The following ANK3 variants were observed in gnomAD, a reference collection of about 807,000 sequenced individuals.
ANK3 encodes ankyrin 3, also known as ankyrin-3.
A neutral mutation model predicts 370.9 loss-of-function variants in ANK3; 57 were observed. The ratio of observed to expected loss-of-function variants is 0.15; its 90% CI spans 0.12 to 0.19. ANK3 has a LOEUF of 0.19. Among genes scored for constraint, ANK3 ranks in the 10% least tolerant of loss-of-function variants. The probability of loss-of-function intolerance (pLI) is 1.00; values close to 1 mark genes in which losing one functional copy is unlikely to be tolerated. For missense variants in ANK3, 4,439 were observed against 5,302.1 expected (o/e 0.84, Z 5.06); for synonymous variants, 1,929 against 1,946.3 (o/e 0.99, Z 0.23).
intron 28 of ANK3, among the ~76,000 whole-genome samples, chr10:60,097,092 G>T (rs1468104952): frequency 6.6e-6 from 1 of 152,182 alleles, no homozygotes; most frequent in African/African-American, 2.4e-5. Flanking sequence ...CTTACTGAAG[G>T]TCTATTTTGT....
intron 1 of ANK3, among the ~76,000 whole-genome samples, chr10:60,690,067 A>G (rs1392557245): frequency 1.3e-5 from 2 of 152,260 alleles, no homozygotes; most frequent in African/African-American, 2.4e-5. Flanking sequence ...ACAAACTAGG[A>G]TAAATAGTAT....
At chr10:60,082,244 G>A in intron 34 of ANK3, 68 bp from the exon 35 acceptor site, 2 of 1,398,266 alleles carry the variant, frequency 1.4e-6, no homozygotes, top group Non-Finnish European at 2.0e-6. Flanking sequence ...AAGAATATCA[G>A]GATATGAAAA....
chr10:60,043,042 T>C (rs1199806002), intron 42 of ANK3: 1 of 1,162,328 alleles, frequency 8.6e-7, no homozygotes, highest in Non-Finnish European at 1.1e-6. Flanking sequence ...CCATTTCCTA[T>C]AGTAAGCTAA....
intron 1 of ANK3, among the ~76,000 whole-genome samples, chr10:60,351,055 G>T (rs2056763016): frequency 6.6e-6 from 1 of 151,918 alleles, no homozygotes; most frequent in South Asian, 2.1e-4. Flanking sequence ...GAAACAATTG[G>T]AATTTAAACA....
chr10:60,282,348 C>A (rs1331318009), intron 1 of ANK3, among the ~76,000 whole-genome samples: 5 of 152,208 alleles, frequency 3.3e-5, no homozygotes, highest in Non-Finnish European at 7.3e-5. Flanking sequence ...GTCCATTTTG[C>A]TCTCAAGTTT....
At chr10:60,690,721 T>C (rs1474699737) in intron 1 of ANK3, among the ~76,000 whole-genome samples, 1 of 152,162 alleles carries the variant, frequency 6.6e-6, no homozygotes, top group Admixed American at 6.5e-5. Context: ...AAATAGTTAA[T>C]ACAACCTACC....
chr10:60,435,817 C>T (rs1346562577), intron 2 of ANK3, among the ~76,000 whole-genome samples: 3 of 152,104 alleles, frequency 2.0e-5, no homozygotes, highest in Non-Finnish European at 4.4e-5. Flanking sequence ...AAAGTCTCAT[C>T]GGCCGGGCGC....
At chr10:60,234,941 C>G (rs977776724) in intron 7 of ANK3, among the ~76,000 whole-genome samples, 155 bp from the exon 8 acceptor site, 4 of 152,150 alleles carry the variant, frequency 2.6e-5, no homozygotes, top group Admixed American at 1.3e-4. Flanking sequence ...CAGGAATTTT[C>G]TTCAGAAGGA....
chr10:60,126,248 G>A (rs1031350474), intron 25 of ANK3, among the ~76,000 whole-genome samples: 1 of 152,204 alleles, frequency 6.6e-6, no homozygotes, highest in Non-Finnish European at 1.5e-5. Context: ...TACTCAGAGA[G>A]AGAACAGGGC....
chr10:60,667,104 A>G (rs946049259), intron 1 of ANK3, among the ~76,000 whole-genome samples: 1 of 151,038 alleles, frequency 6.6e-6, no homozygotes, highest in African/African-American at 2.4e-5. Context: ...CTGTATTTTT[A>G]TTTGCTAAAT....
intron 1 of ANK3, among the ~76,000 whole-genome samples, chr10:60,347,811 G>A (rs2055959242): frequency 6.6e-6 from 1 of 152,172 alleles, no homozygotes; most frequent in South Asian, 2.1e-4. Flanking sequence ...CTCACCCCCT[G>A]AGAATTTATC....
intron 2 of ANK3, among the ~76,000 whole-genome samples, chr10:60,405,668 T>A (rs914774084): frequency 1.3e-5 from 2 of 152,168 alleles, no homozygotes; most frequent in African/African-American, 4.8e-5. Flanking sequence ...AGTAAATAAA[T>A]ACCTCCAATT....
At chr10:60,494,971 A>G (rs1205768067) in intron 2 of ANK3, among the ~76,000 whole-genome samples, 1 of 152,218 alleles carries the variant, frequency 6.6e-6, no homozygotes, top group Non-Finnish European at 1.5e-5. Context: ...CTAGCTGTAC[A>G]AGGAACCAAG....
intron 1 of ANK3, among the ~76,000 whole-genome samples, chr10:60,346,992 T>C (rs1481478320): frequency 2.0e-5 from 3 of 148,280 alleles, no homozygotes; most frequent in Non-Finnish European, 3.0e-5. Context: ...GACCATCTAT[T>C]AGTAGCTTTT....
chr10:60,184,434 T>G (rs867996575), intron 17 of ANK3, among the ~76,000 whole-genome samples: 1 of 152,228 alleles, frequency 6.6e-6, no homozygotes, highest in Admixed American at 6.5e-5. Context: ...TGCCTTCTTA[T>G]TAGATAGTTT....
intron 2 of ANK3, among the ~76,000 whole-genome samples, chr10:60,582,928 G>A (rs2077775294): frequency 6.6e-6 from 1 of 152,022 alleles, no homozygotes; most frequent in Non-Finnish European, 1.5e-5. Context: ...AATTAGTACA[G>A]CCATTATGGA....
chr10:60,499,515 A>G (rs993365828), intron 2 of ANK3, among the ~76,000 whole-genome samples: 4 of 152,242 alleles, frequency 2.6e-5, no homozygotes, highest in African/African-American at 9.6e-5. Context: ...TACTATCCAC[A>G]TAACACCAAT....
At chr10:60,031,295 T>C (rs1019495090) in intron 43 of ANK3, among the ~76,000 whole-genome samples, 1 of 152,244 alleles carries the variant, frequency 6.6e-6, no homozygotes, top group Non-Finnish European at 1.5e-5. Context: ...TTGAGCTTTT[T>C]AGTGGAGGCT....
chr10:60,527,027 C>T (rs2076489854), intron 2 of ANK3, among the ~76,000 whole-genome samples: 1 of 152,026 alleles, frequency 6.6e-6, no homozygotes, highest in African/African-American at 2.4e-5. Context: ...AATAAATATC[C>T]ATGTCTTGCT....
Sources: gnomAD v4.1 joint callset for allele counts (sites outside exome capture counted in the v4.1 genomes callset) on GRCh38, gnomAD v4.1.1 for gene constraint, MANE v1.5 for transcripts, NCBI Gene and HGNC (gene_info 2026-07-23, HGNC 2026-07-21) for gene names.